The following C5orf52 variants were observed in gnomAD, a reference collection of about 807,000 sequenced individuals.
C5orf52 encodes the protein uncharacterized protein C5orf52.
Under a neutral mutation model 16.8 loss-of-function variants are expected in C5orf52, and 15 were observed. The observed-to-expected ratio is 0.89, with a 90% CI of 0.60 to 1.38. C5orf52 has a LOEUF of 1.38. Ranked by LOEUF, C5orf52 falls within the 40% of genes most tolerant of loss-of-function variation. C5orf52 has a pLI of 0.00. For missense variants in C5orf52, 206 were observed against 213.1 expected (o/e 0.97, Z 0.21); for synonymous variants, 83 against 87.2 (o/e 0.95, Z 0.27).
chr5:157,671,165 T>C (rs1283172835), upstream of C5orf52, among the ~76,000 whole-genome samples: 3 of 152,126 alleles, frequency 2.0e-5, no homozygotes, highest in East Asian at 1.9e-4. Context: ...TTGGTTTCCA[T>C]AGCAATTGTC....
At chr5:157,676,865 TTTTTTC>T (rs1373782147) in intron 2 of C5orf52, among the ~76,000 whole-genome samples, 3 of 88,032 alleles carry the variant, frequency 3.4e-5, no homozygotes, top group African/African-American at 8.8e-5. Context: ...AATTTCCTTT[TTTTTTC>T]TTTTTTTTTT....
Position 157,679,956 on chromosome 5 carries a change from A to C in C5orf52, c.437A>C (p.Asn146Thr), listed in dbSNP as rs1759975118. 3.2e-6 allele frequency: 5 copies of C among 1,551,596 alleles called. No individual in the cohort carries two copies. The highest frequency in any genetic ancestry group is 3.9e-5 in the Admixed American group (2 of 50,978). Residue 146 changes from asparagine (N) to threonine (T), a missense_variant, in exon 3 of 3, where the codon AAC becomes ACC. Asn to Thr is a moderately conservative substitution (Grantham distance 65, BLOSUM62 0). Transcript: ENST00000409999. ...GGGCGATGGAGAGAGGAATCCGTGA[A>C]CAGCAACCGGTACTTAACCTTCGGG... ...KLGRWREESVNSNRYLTFGIP... is the reference protein window; with the variant it reads ...KLGRWREESVTSNRYLTFGIP...
chr5:157,673,514 C>G (rs557602833), intron 1 of C5orf52, among the ~76,000 whole-genome samples: 33 of 152,148 alleles, frequency 2.2e-4, no homozygotes, highest in Admixed American at 2.0e-3. Flanking sequence ...TTTCTAGTAA[C>G]CTGCTTTCTT....
At chr5:157,673,576 T>G (rs2113864997) in intron 1 of C5orf52, among the ~76,000 whole-genome samples, 1 of 152,336 alleles carries the variant, frequency 6.6e-6, no homozygotes, top group African/African-American at 2.4e-5. Flanking sequence ...ATTACATGTA[T>G]TTTATTTTAT....
In C5orf52 at chr5:157,675,085, G is replaced by T; in HGVS notation, c.213-7G>T. ...TAACCTGTGCCACCTTTCCCTCCCT[G>T]CTCCAGCTTAATGAATTCCAGTGAA... On this transcript the variant is annotated splice_region_variant and splice_polypyrimidine_tract_variant and intron_variant, in intron 1 of 2. Coordinates refer to ENST00000409999, the MANE Select transcript of C5orf52 (RefSeq NM_001145132.2). The T allele has an allele frequency of 6.5e-7, 1 of 1,543,310 alleles. No individual in the cohort carries two copies. The highest frequency in any genetic ancestry group is 8.8e-7 in the Non-Finnish European group (1 of 1,139,426).
chr5:157,676,130 G>C (rs1759890158), intron 2 of C5orf52, among the ~76,000 whole-genome samples: 1 of 152,092 alleles, frequency 6.6e-6, no homozygotes, highest in Non-Finnish European at 1.5e-5. Context: ...CTGGAGTGCA[G>C]TGGCGCTATC....
At chr5:157,679,742 C>A in intron 2 of C5orf52, 99 bp from the exon 3 acceptor site, 1 of 1,161,654 alleles carries the variant, frequency 8.6e-7, no homozygotes, top group Non-Finnish European at 1.2e-6. Context: ...ACTTTTCCCA[C>A]TCCCCCATCA....
intron 2 of C5orf52, among the ~76,000 whole-genome samples, chr5:157,678,833 T>C (rs1278503516): frequency 2.0e-5 from 3 of 152,160 alleles, no homozygotes; most frequent in Non-Finnish European, 4.4e-5. Context: ...CTTTCTCTCT[T>C]AGAAATATTT....
intron 2 of C5orf52, among the ~76,000 whole-genome samples, chr5:157,678,487 C>A (rs369605329): frequency 6.6e-6 from 1 of 152,154 alleles, no homozygotes; most frequent in Non-Finnish European, 1.5e-5. Context: ...GACAGAGTCT[C>A]GCTCTGTCAC....
rs1422792200 is a variant in C5orf52 at position 157,679,928 on chromosome 5, C to A, written c.409C>A (p.Leu137Ile). The change falls in exon 3 of 3, where the codon CTC becomes ATC. Residue 137 changes from leucine to isoleucine, a missense_variant. By Grantham distance (5) the Leu-to-Ile change is conservative. Transcript: ENST00000409999. ...GTTCATGACAGAGCAGCTCAGAAAG[C>A]TCGGGCGATGGAGAGAGGAATCCGT... ...KKFMTEQLRK[L>I]GRWREESVNS... 1 of 1,551,650 alleles carries A rather than the reference C, an allele frequency of 6.4e-7. No homozygotes were observed.
At chr5:157,677,789 GC>G (rs1759930466) in intron 2 of C5orf52, among the ~76,000 whole-genome samples, 1 of 151,998 alleles carries the variant, frequency 6.6e-6, no homozygotes, top group African/African-American at 2.4e-5. Flanking sequence ...TTTGAGACCA[GC>G]CTGGCCAACA....
At chr5:157,672,321 G>C (rs1050386523) in intron 1 of C5orf52, among the ~76,000 whole-genome samples, 1 of 151,916 alleles carries the variant, frequency 6.6e-6, no homozygotes, top group Non-Finnish European at 1.5e-5. Flanking sequence ...AATTACCCGC[G>C]CTCCTTTCCA....
rs541317897 is a variant in C5orf52 at position 157,671,654 on chromosome 5, G to A, written c.40G>A (p.Gly14Arg). ...PTRPSVTCDQGSSTIGGTAAQ... is the reference protein window; with the variant it reads ...PTRPSVTCDQRSSTIGGTAAQ... ...TAGGCCCTCGGTCACCTGTGACCAG[G>A]GATCCTCCACGATCGGCGGGACCGC... Residue 14 changes from glycine (G) to arginine (R), a missense_variant, in exon 1 of 3, where the codon GGA (glycine) becomes AGA (arginine). Coordinates refer to ENST00000409999, the MANE Select transcript of C5orf52 (RefSeq NM_001145132.2). 1.5e-5 allele frequency: 23 copies of A among 1,551,452 alleles called. No individual in the cohort carries two copies. The African/African-American group carries it at 2.6e-4, about 18-fold the overall frequency.
At chr5:157,677,608 C>T (rs1277538595) in intron 2 of C5orf52, among the ~76,000 whole-genome samples, 6 of 145,136 alleles carry the variant, frequency 4.1e-5, no homozygotes, top group South Asian at 2.2e-4. Flanking sequence ...GAGCCAATAT[C>T]GCATAATTGC....
chr5:157,676,049 G>A (rs757925875), intron 2 of C5orf52, among the ~76,000 whole-genome samples: 6 of 152,050 alleles, frequency 3.9e-5, no homozygotes, highest in Non-Finnish European at 8.8e-5. Context: ...AAGCAGAGCA[G>A]GGTGCCCAGG....
intron 2 of C5orf52, among the ~76,000 whole-genome samples, chr5:157,676,520 A>T (rs1003834596): frequency 1.3e-5 from 2 of 152,192 alleles, no homozygotes; most frequent in African/African-American, 4.8e-5. Context: ...CCAAAAGAAG[A>T]GTAGGGACCC....
chr5:157,671,758 C>T lies in C5orf52; in HGVS notation c.144C>T (p.Ile48=), dbSNP rs1358714507. The T allele has an allele frequency of 6.4e-7, 1 of 1,550,984 alleles. No individual in the cohort carries two copies. Among genetic ancestry groups the T allele is most frequent in the Non-Finnish European group, 8.7e-7 (1 of 1,146,766 alleles). Residue 48 remains isoleucine (I), a synonymous_variant, in exon 1 of 3, where the codon ATC becomes ATT. Coordinates refer to ENST00000409999, the MANE Select transcript of C5orf52 (RefSeq NM_001145132.2). ...ATAGACTCGGCCGCCGCCCAGAAAT[C>T]GGCGTAGGGGGTCAGCCGCAGATCT... ...QRDRLGRRPE[I]GVGGQPQICF... is the part of the protein sequence containing the mutation.
intron 1 of C5orf52, among the ~76,000 whole-genome samples, chr5:157,673,528 C>T (rs1759836160): frequency 6.6e-6 from 1 of 152,078 alleles, no homozygotes; most frequent in African/African-American, 2.4e-5. Flanking sequence ...CTTTCTTCTC[C>T]CATCTAATAC....
chr5:157,672,516 G>A (rs1208384821), intron 1 of C5orf52, among the ~76,000 whole-genome samples: 1 of 151,976 alleles, frequency 6.6e-6, no homozygotes, highest in Non-Finnish European at 1.5e-5. Context: ...AGTTTTATGT[G>A]TCCTTAAATG....
Sources: allele counts gnomAD v4.1 joint callset (sites outside exome capture counted in the v4.1 genomes callset), GRCh38; gene constraint gnomAD v4.1.1; transcripts MANE v1.5; gene names NCBI Gene and HGNC (gene_info 2026-07-23, HGNC 2026-07-21).